The following NTM variants were observed in gnomAD, a reference collection of about 807,000 sequenced individuals.
The protein encoded by NTM is neurotrimin.
A neutral mutation model predicts 42.1 loss-of-function variants in NTM; 13 were observed. The observed-to-expected ratio is 0.31, with a 90% confidence interval of 0.20 to 0.49. NTM has a LOEUF of 0.49. NTM is among the 20% of genes least tolerant of loss of function. The probability of loss-of-function intolerance (pLI) is 0.99; values close to 1 mark genes in which losing one functional copy is unlikely to be tolerated. For synonymous variants in NTM, 187 were observed against 179.2 expected (o/e 1.04, Z -0.35); for missense variants, 373 against 452.8 (o/e 0.82, Z 1.60).
chr11:131,970,239 G>T (rs948944135), intron 2 of NTM, among the ~76,000 whole-genome samples: 1 of 152,126 alleles, frequency 6.6e-6, no homozygotes, highest in African/African-American at 2.4e-5. Flanking sequence ...AGTTATCATG[G>T]CTCCAATTTT....
At chr11:131,552,659 A>G (rs1340567663) in intron 1 of NTM, among the ~76,000 whole-genome samples, 1 of 152,022 alleles carries the variant, frequency 6.6e-6, no homozygotes, top group East Asian at 1.9e-4. Flanking sequence ...ACTAAAAAAA[A>G]TACAAAAAAT....
At chr11:131,586,849 CTT>C (rs2058909396) in intron 1 of NTM, among the ~76,000 whole-genome samples, 1 of 152,178 alleles carries the variant, frequency 6.6e-6, no homozygotes, top group Non-Finnish European at 1.5e-5. Flanking sequence ...GTTTTCAACT[CTT>C]TGGAAAGAAC....
intron 1 of NTM, among the ~76,000 whole-genome samples, chr11:131,408,936 C>T (rs1369807672): frequency 1.3e-5 from 2 of 152,300 alleles, no homozygotes; most frequent in Admixed American, 6.5e-5. Context: ...ACCCATCATG[C>T]ATCAGAAACT....
intron 7 of NTM, among the ~76,000 whole-genome samples, chr11:132,323,255 A>T (rs1349624881): frequency 3.3e-5 from 5 of 151,806 alleles, no homozygotes; most frequent in Non-Finnish European, 7.4e-5. Context: ...GTTTTTTGAA[A>T]GGATCAACAA....
At chr11:131,563,360 G>T (rs1334058802) in intron 1 of NTM, among the ~76,000 whole-genome samples, 7 of 152,116 alleles carry the variant, frequency 4.6e-5, no homozygotes, top group African/African-American at 1.7e-4. Flanking sequence ...GTCAAGGACG[G>T]CACTCTCTAA....
chr11:131,647,951 C>T (rs1316321702), intron 1 of NTM, among the ~76,000 whole-genome samples: 1 of 152,086 alleles, frequency 6.6e-6, no homozygotes, highest in Non-Finnish European at 1.5e-5. Context: ...ATTTTGTTAC[C>T]TAGGTGACAA....
At chr11:131,662,075 C>G (rs184106223) in intron 1 of NTM, 6 of 152,118 alleles carry the variant, frequency 3.9e-5, no homozygotes, top group South Asian at 2.1e-4. Flanking sequence ...CTCACAAACA[C>G]GAGAGAAATC....
chr11:132,323,794 GA>G (rs2095621785), intron 7 of NTM, among the ~76,000 whole-genome samples: 1 of 151,970 alleles, frequency 6.6e-6, no homozygotes, highest in South Asian at 2.1e-4. Flanking sequence ...CTGGCAAACT[GA>G]ATCCAGCAGC....
intron 4 of NTM, among the ~76,000 whole-genome samples, chr11:132,251,945 A>T (rs542609664): frequency 1.3e-5 from 2 of 152,208 alleles, no homozygotes; most frequent in South Asian, 2.1e-4. Flanking sequence ...AGTAAAGCAC[A>T]GGTGCTCCAA....
intron 1 of NTM, among the ~76,000 whole-genome samples, chr11:131,391,684 A>G (rs1317767890): frequency 6.8e-6 from 1 of 146,804 alleles, no homozygotes; most frequent in Non-Finnish European, 1.5e-5. Context: ...GAAGAAGGCT[A>G]GGATTGGGTG....
chr11:131,638,755 A>C (rs1381311835), intron 1 of NTM, among the ~76,000 whole-genome samples: 1 of 152,012 alleles, frequency 6.6e-6, no homozygotes, highest in Non-Finnish European at 1.5e-5. Flanking sequence ...CTTTGCCACT[A>C]AATAGCCAGG....
intron 2 of NTM, among the ~76,000 whole-genome samples, chr11:132,139,981 C>T (rs1213051881): frequency 6.6e-6 from 1 of 152,160 alleles, no homozygotes; most frequent in Non-Finnish European, 1.5e-5. Context: ...GAAAGCAGTA[C>T]ATGTTATAGA....
In NTM at chr11:132,200,229, G is replaced by T. The variant is rs374312385; in HGVS notation, c.401-11793G>T. On this transcript the variant is annotated intron_variant, in intron 3 of 8. Transcript: ENST00000683400. The stretch of plus-strand genomic sequence containing the variant: ...TGACAGCAGTGGGACCACCTCCCAG[G>T]ATTCAAGATTCAAGGTCGGATAATG... Among the ~76,000 whole-genome samples the T allele has an allele frequency of 2.0e-4, 30 of 152,272 alleles. 1 individual carries two copies. The highest frequency in any genetic ancestry group is 7.0e-4 in the African/African-American group (29 of 41,560).
chr11:131,715,162 C>T (rs186356236), intron 1 of NTM, among the ~76,000 whole-genome samples: 22 of 152,260 alleles, frequency 1.4e-4, no homozygotes, highest in Admixed American at 1.4e-3. Context: ...GTGGCTTAAA[C>T]AAGATGGAAT....
chr11:132,003,919 C>T lies in NTM; in HGVS notation c.167+92271C>T, dbSNP rs1013213502. 2.6e-5 allele frequency among the ~76,000 whole-genome samples: 4 copies of T among 152,222 alleles called. No individual in the cohort carries two copies. The highest frequency in any genetic ancestry group is 7.2e-5 in the African/African-American group (3 of 41,464). On this transcript the variant is annotated intron_variant, in intron 2 of 8. Coordinates refer to ENST00000683400, the MANE Select transcript of NTM (RefSeq NM_001352005.2). This position sits in a 1 kb window ranked among gnomAD's most constrained non-coding sequence, Gnocchi z 6.0. The stretch of plus-strand genomic sequence containing the variant: ...TCTTTTTGAACATTCTTTAGCCACT[C>T]GATGGCCCAGAGCCCCATCCTCATT...
intron 4 of NTM, among the ~76,000 whole-genome samples, chr11:132,259,232 TTAA>T (rs1198725303): frequency 6.6e-6 from 1 of 152,088 alleles, no homozygotes; most frequent in Non-Finnish European, 1.5e-5. Flanking sequence ...TTTGATATGA[TTAA>T]TATTGGAAAG....
At chr11:131,458,388 G>A (rs992723120) in intron 1 of NTM, among the ~76,000 whole-genome samples, 1 of 152,312 alleles carries the variant, frequency 6.6e-6, no homozygotes, top group Non-Finnish European at 1.5e-5. Context: ...GCCCATAGTC[G>A]AAGCATTTAT....
intron 2 of NTM, among the ~76,000 whole-genome samples, chr11:131,927,690 G>A (rs1036214153): frequency 6.6e-6 from 1 of 152,158 alleles, no homozygotes; most frequent in Non-Finnish European, 1.5e-5. Flanking sequence ...AAGCAAATGT[G>A]GGATACTTGA....
chr11:132,015,562 CT>C (rs947368359), intron 2 of NTM, among the ~76,000 whole-genome samples: 1 of 151,302 alleles, frequency 6.6e-6, no homozygotes, highest in African/African-American at 2.4e-5. Context: ...ACATCTTTAA[CT>C]TTTTTTTGTC....
Sources: allele counts gnomAD v4.1 joint callset (sites outside exome capture counted in the v4.1 genomes callset), GRCh38; gene constraint gnomAD v4.1.1; non-coding constraint Gnocchi (gnomAD v3.1); transcripts MANE v1.5; gene names NCBI Gene and HGNC (gene_info 2026-07-23, HGNC 2026-07-21).